Variants in RCC2 observed in about 807,000 individuals in gnomAD.
RCC2 encodes the protein regulator of chromosome condensation 2, also known as protein RCC2.
Under a neutral mutation model 64.1 loss-of-function variants are expected in RCC2, and 19 were observed. The ratio of observed to expected loss-of-function variants is 0.30; its 90% CI spans 0.21 to 0.44. RCC2 has a LOEUF of 0.44. Among genes scored for constraint, RCC2 ranks in the 20% least tolerant of loss-of-function variants. The pLI, the probability that RCC2 is intolerant of heterozygous loss-of-function variation, is 1.00. For missense variants in RCC2, 508 were observed against 710.4 expected, an observed-to-expected ratio of 0.72 and a Z score of 3.24; for synonymous variants, 325 against 279.6, an observed-to-expected ratio of 1.16 and a Z score of -1.62.
In RCC2 at chr1:17,417,723, T is replaced by C. The variant is rs532080703; in HGVS notation, c.860-1077A>G. 5.3e-5 allele frequency among the ~76,000 whole-genome samples: 8 copies of C among 151,934 alleles called. No homozygotes were observed. In the South Asian group the frequency reaches 1.7e-3, roughly 32 times the overall value. On this transcript the variant is annotated intron_variant, in intron 7 of 12. Transcript: ENST00000375436. ...AAAAAAACTTGTTGTTATCAGTTTG[T>C]AAACTAGCCCCCGGCTTGTGGCTAA...
At chr1:17,419,495 G>A (rs576974011) in intron 7 of RCC2, among the ~76,000 whole-genome samples, 3 of 152,320 alleles carry the variant, frequency 2.0e-5, no homozygotes, top group East Asian at 1.9e-4. Flanking sequence ...TTTGGACAAC[G>A]AAACAAACAC....
chr1:17,432,721 C>G (rs924998865), intron 2 of RCC2, among the ~76,000 whole-genome samples: 4 of 152,234 alleles, frequency 2.6e-5, no homozygotes, highest in Admixed American at 2.6e-4. Context: ...GTGACCTGGA[C>G]ATTTGGTCAA....
rs1484205606 is a variant in RCC2, at chr1:17,411,341, T to A, written c.1386+781A>T. Among the ~76,000 whole-genome samples, 4 of 151,828 alleles carry A rather than the reference T, an allele frequency of 2.6e-5. No homozygotes were observed. In the South Asian group the frequency reaches 8.3e-4, roughly 32 times the overall value. On this transcript the variant is annotated intron_variant, in intron 11 of 12. Coordinates refer to ENST00000375436, the MANE Select transcript of RCC2 (RefSeq NM_018715.4). ...CCTGTAATCCCAGCACTTTGGGAGG[T>A]TGAGGCGGGTGGATCACCTAAGGTC...
intron 4 of RCC2, among the ~76,000 whole-genome samples, chr1:17,423,467 T>G (rs971134359): frequency 2.6e-5 from 4 of 152,106 alleles, no homozygotes; most frequent in Non-Finnish European, 5.9e-5. Context: ...CAGCCCCACC[T>G]CCAGGACTGC....
intron 7 of RCC2, among the ~76,000 whole-genome samples, chr1:17,419,251 T>G: frequency 6.6e-6 from 1 of 152,264 alleles, no homozygotes; most frequent in East Asian, 1.9e-4. Flanking sequence ...CCCAACTACT[T>G]GGGAGACCGA....
rs2075488863 is a variant in RCC2, at chr1:17,416,625, A to T, written c.881T>A (p.Phe294Tyr). 1 of 1,613,406 alleles carries T rather than the reference A, an allele frequency of 6.2e-7. No homozygotes were observed. Among genetic ancestry groups the T allele is most frequent in the Non-Finnish European group, 8.5e-7 (1 of 1,179,786 alleles). ...CTCTATCCGCTGTGCCCGGGCGATG[A>T]ACTTCCCATCTGAGTTGTGTCCTGT... ...GQLGHNSDGKFIARAQRIEYD... is the reference protein window; with the variant it reads ...GQLGHNSDGKYIARAQRIEYD... The change falls in exon 8 of 13, where the codon TTC becomes TAC. Residue 294 changes from phenylalanine to tyrosine, a missense_variant. Around this residue, in one of 4 missense-constraint regions of RCC2, gnomAD observed 179 missense variants for 322.0 expected, o/e 0.56. Coordinates refer to ENST00000375436, the MANE Select transcript of RCC2 (RefSeq NM_018715.4).
At chr1:17,424,786 C>A (rs1465907967) in intron 4 of RCC2, among the ~76,000 whole-genome samples, 1 of 152,026 alleles carries the variant, frequency 6.6e-6, no homozygotes, top group Non-Finnish European at 1.5e-5. Flanking sequence ...CGGGAGTCAC[C>A]AAAAGGGCTG....
chr1:17,430,725 T>C (rs111932154), intron 2 of RCC2, among the ~76,000 whole-genome samples: 1 of 149,498 alleles, frequency 6.7e-6, no homozygotes, highest in Non-Finnish European at 1.5e-5. Flanking sequence ...GAGGCGGAGG[T>C]TGCAGTAAGC....
intron 2 of RCC2, among the ~76,000 whole-genome samples, chr1:17,436,257 T>C (rs1330277811): frequency 6.6e-6 from 1 of 152,102 alleles, no homozygotes; most frequent in African/African-American, 2.4e-5. Context: ...TCCCAGCACT[T>C]TGGAAGGAGG....
intron 11 of RCC2, among the ~76,000 whole-genome samples, chr1:17,410,974 T>G (rs1330097096): frequency 6.6e-6 from 1 of 152,044 alleles, no homozygotes; most frequent in Non-Finnish European, 1.5e-5. Flanking sequence ...ATGTTTCAAA[T>G]CGGGCCACCA....
In RCC2 at chr1:17,425,571, T is replaced by G; in HGVS notation, c.493A>C (p.Ile165Leu). Residue 165 changes from isoleucine to leucine, a missense_variant, in exon 4 of 13, where the codon ATC becomes CTC. Ile to Leu is a conservative substitution (Grantham distance 5). Coordinates refer to ENST00000375436, the MANE Select transcript of RCC2 (RefSeq NM_018715.4). Reference sequence around the variant, plus strand: ...CTCCACAGCTTCCCTTCCGTGGTGATGAGGAGGCTGTGTGCAGCACACGAG... The same window carrying G: ...CTCCACAGCTTCCCTTCCGTGGTGAGGAGGAGGCTGTGTGCAGCACACGAG... ...SGSCAAHSLL[I>L]TTEGKLWSWG... The G allele has an allele frequency of 6.2e-7, 1 of 1,613,574 alleles. No homozygotes were observed. Among genetic ancestry groups the G allele is most frequent in the Non-Finnish European group, 8.5e-7 (1 of 1,179,732 alleles).
At chr1:17,418,482 C>G (rs564028364) in intron 7 of RCC2, among the ~76,000 whole-genome samples, 27 of 152,108 alleles carry the variant, frequency 1.8e-4, no homozygotes, top group Admixed American at 5.2e-4. Context: ...CATGGTGAAA[C>G]CCCGTCTCTA....
At chr1:17,417,692 A>C (rs563046634) in intron 7 of RCC2, among the ~76,000 whole-genome samples, 44 of 151,982 alleles carry the variant, frequency 2.9e-4, no homozygotes, top group African/African-American at 7.7e-4. Flanking sequence ...CCAAAAAAAA[A>C]CAAACAAAAA....
At chr1:17,422,442 C>T in intron 5 of RCC2, 151 bp from the exon 6 acceptor site, 1 of 772,178 alleles carries the variant, frequency 1.3e-6, no homozygotes, top group Non-Finnish European at 2.1e-6. Context: ...GCAGACGCTT[C>T]ACAGCAAAGC....
At position 17,407,377 on chromosome 1, in the gene RCC2, G is replaced by A. The variant is rs559379163; in HGVS notation, c.*1713C>T. 6.6e-6 allele frequency: 1 copy of A among 152,382 alleles called. No individual in the cohort carries two copies. The highest frequency in any genetic ancestry group is 1.5e-5 in the Non-Finnish European group (1 of 68,060). The allele number at this position is 152,382 out of a possible 1,614,324, so 9.4% of individuals were successfully genotyped here. ...AGGGAAACGGATCAGGCTGTCGCATGGAAGCTTACGTCAGAGATGGTGGTT... is the reference window on the plus strand; with the variant it reads ...AGGGAAACGGATCAGGCTGTCGCATAGAAGCTTACGTCAGAGATGGTGGTT... On this transcript the variant is annotated 3_prime_UTR_variant, in exon 13 of 13. Coordinates refer to ENST00000375436, the MANE Select transcript of RCC2 (RefSeq NM_018715.4).
intron 6 of RCC2, 44 bp from the exon 7 acceptor site, chr1:17,420,872 A>AT: frequency 7.7e-7 from 1 of 1,306,900 alleles, no homozygotes; most frequent in Non-Finnish European, 1.1e-6. Context: ...TTAAAGACTG[A>AT]TAAAAAGCCT....
intron 11 of RCC2, among the ~76,000 whole-genome samples, chr1:17,411,394 GGT>G (rs2075422983): frequency 1.3e-5 from 2 of 152,136 alleles, no homozygotes; most frequent in African/African-American, 4.8e-5. Context: ...TGGCCAACAT[GGT>G]GAAACCCCAT....
chr1:17,431,345 A>AT (rs2075674243), intron 2 of RCC2, among the ~76,000 whole-genome samples: 1 of 45,150 alleles, frequency 2.2e-5, no homozygotes, highest in African/African-American at 8.6e-5. Context: ...AAAAAAAAAA[A>AT]AAAAAAAAAA....
At chr1:17,425,824 G>GA (rs1189406631) in intron 3 of RCC2, 140 bp from the exon 4 acceptor site, 2 of 826,068 alleles carry the variant, frequency 2.4e-6, no homozygotes, top group African/African-American at 3.5e-5. Flanking sequence ...TGGCTGTTGG[G>GA]AGGCTGCACA....
Sources: gnomAD v4.1 joint callset for allele counts (sites outside exome capture counted in the v4.1 genomes callset) on GRCh38, gnomAD v4.1.1 for gene constraint, gnomAD v4.1.1 regional missense constraint, MANE v1.5 for transcripts, NCBI Gene and HGNC (gene_info 2026-07-23, HGNC 2026-07-21) for gene names.